The following DEGS2 variants were observed in gnomAD, a reference collection of about 807,000 sequenced individuals.
DEGS2 encodes delta 4-desaturase, sphingolipid 2, also known as sphingolipid delta(4)-desaturase/C4-monooxygenase DES2.
Under a neutral mutation model 23.8 loss-of-function variants are expected in DEGS2, and 19 were observed. The ratio of observed to expected loss-of-function variants is 0.80; its 90% CI spans 0.56 to 1.17. The LOEUF (loss-of-function observed/expected upper bound fraction) is 1.17. Among genes scored for constraint, DEGS2 ranks in the 50% most tolerant of loss-of-function variants. The pLI is 0.00. For synonymous variants in DEGS2, 218 were observed against 213.7 expected (o/e 1.02, Z -0.18); for missense variants, 390 against 459.5 (o/e 0.85, Z 1.38).
At chr14:100,148,526 G>C (rs1043121974) in intron 2 of DEGS2, among the ~76,000 whole-genome samples, 2 of 152,184 alleles carry the variant, frequency 1.3e-5, no homozygotes, top group African/African-American at 4.8e-5. Context: ...CTCCCCATCA[G>C]CTCTGCCCAA....
At chr14:100,162,012 A>T (rs1000701020), upstream of DEGS2, among the ~76,000 whole-genome samples, 1 of 150,778 alleles carries the variant, frequency 6.6e-6, no homozygotes, top group Non-Finnish European at 1.5e-5. Context: ...AGATTGCACC[A>T]TTGCACTCCA....
intron 2 of DEGS2, among the ~76,000 whole-genome samples, chr14:100,147,605 T>C (rs1889473032): frequency 6.7e-6 from 1 of 150,196 alleles, no homozygotes; most frequent in Non-Finnish European, 1.5e-5. Context: ...GCCGCCCCAC[T>C]GCTCAACGGC....
Position 100,146,787 on chromosome 14 carries a change from A to G in DEGS2, c.946T>C (p.Tyr316His). 1 of 1,613,692 alleles carries G rather than the reference A, an allele frequency of 6.2e-7. No individual in the cohort carries two copies. Among genetic ancestry groups the G allele is most frequent in the Non-Finnish European group, 8.5e-7 (1 of 1,179,860 alleles). ...CACAGACCATCTTTTGCCAGCCTGT[A>G]CACCCGCTTCACCCTGGCATAGGGC... ...LGPYARVKRV[Y>H]RLAKDGL is the part of the protein sequence containing the mutation. The change falls in exon 3 of 3, where the codon TAC becomes CAC. Residue 316 changes from tyrosine (Y) to histidine (H), a missense_variant. Physicochemically the swap from Tyr to His is moderately conservative, Grantham distance 83. Transcript: ENST00000305631.
rs1595272166 is a variant in DEGS2 at position 100,145,765 on chromosome 14, A to G, written c.*996T>C. On this transcript the variant is annotated 3_prime_UTR_variant, in exon 3 of 3. Transcript: ENST00000305631. ...CAGCCCTGCCCTCCAGGAGAAGACA[A>G]CCTCCTAGGTCGCAGCTGCACCCTC... 6.6e-6 allele frequency: 1 copy of G among 152,218 alleles called. No individual in the cohort carries two copies. The highest frequency in any genetic ancestry group is 2.1e-4 in the South Asian group (1 of 4,814). The allele number at this position is 152,218 out of a possible 1,614,324, so 9.4% of individuals were successfully genotyped here.
intron 1 of DEGS2, among the ~76,000 whole-genome samples, chr14:100,157,120 A>G (rs2140425370): frequency 6.6e-6 from 1 of 152,300 alleles, no homozygotes; most frequent in Admixed American, 6.5e-5. Flanking sequence ...CTGGAGGGCC[A>G]GGTACCACCT....
At position 100,159,611 on chromosome 14, in the gene DEGS2, G is replaced by A. The variant is rs774069779; in HGVS notation, c.-24C>T. The A allele has an allele frequency of 4.0e-5, 59 of 1,474,522 alleles. No homozygotes were observed. The highest frequency in any genetic ancestry group is 5.1e-5 in the Non-Finnish European group (57 of 1,113,146). The allele number at this position is 1,474,522 out of a possible 1,614,324, so 91.3% of individuals were successfully genotyped here. A position where few individuals can be genotyped will look rare whatever the true frequency, so the allele number is the denominator to read the frequency against. On this transcript the variant is annotated 5_prime_UTR_variant, in exon 1 of 3. Transcript: ENST00000305631. ...ATGGTGGGGCGGGAGGCGCCGTTCGGAGCGCGGCCGGCTCGGCTCTGCTGC... is the reference window on the plus strand; with the variant it reads ...ATGGTGGGGCGGGAGGCGCCGTTCGAAGCGCGGCCGGCTCGGCTCTGCTGC...
chr14:100,160,012 CACGCCCCT>C (rs1889726568), upstream of DEGS2: 1 of 153,932 alleles, frequency 6.5e-6, no homozygotes, highest in African/African-American at 2.4e-5. Flanking sequence ...CGCTCGCGGG[CACGCCCCT>C]GTGGCTCGCG....
At chr14:100,164,083 G>GA (rs1309109190), upstream of DEGS2, among the ~76,000 whole-genome samples, 5 of 152,030 alleles carry the variant, frequency 3.3e-5, no homozygotes, top group African/African-American at 1.2e-4. Flanking sequence ...AGGTGTGGTG[G>GA]CTCGCGCCTG....
intron 2 of DEGS2, among the ~76,000 whole-genome samples, chr14:100,147,123 A>G (rs1446868862): frequency 6.6e-6 from 1 of 152,174 alleles, no homozygotes; most frequent in Non-Finnish European, 1.5e-5. Flanking sequence ...GCCAAACACA[A>G]GGCCACCCCT....
At chr14:100,153,687 A>G (rs892136473) in intron 1 of DEGS2, among the ~76,000 whole-genome samples, 1 of 152,310 alleles carries the variant, frequency 6.6e-6, no homozygotes, top group Admixed American at 6.5e-5. Flanking sequence ...TAGCTGGGAG[A>G]CACATGTGCC....
chr14:100,166,238 G>GCGGGGGGAGCC, the DEGS2 span, among the ~76,000 whole-genome samples: 1 of 122,946 alleles, frequency 8.1e-6, no homozygotes, highest in Admixed American at 8.0e-5. Context: ...ATCCAGGAGA[G>GCGGGGGGAGCC]TGGGGGGAGC....
rs1239835703 is a variant in DEGS2, at chr14:100,149,705, A to G, written c.88T>C (p.Tyr30His). ...TQRRKEILAK[Y>H]PAIKALMRPD... The stretch of plus-strand genomic sequence containing the variant: ...CGCATCAGGGCCTTGATGGCCGGGT[A>G]CTTGGCTGCAAGGAAGACAGGGAGG... Residue 30 changes from tyrosine to histidine, a missense_variant, in exon 2 of 3, where the codon TAC becomes CAC. Physicochemically the swap from Tyr to His is moderately conservative, Grantham distance 83 (BLOSUM62 2). Transcript: ENST00000305631. The G allele has an allele frequency of 1.3e-6, 2 of 1,597,196 alleles. No homozygotes were observed. Among genetic ancestry groups the G allele is most frequent in the Non-Finnish European group, 1.7e-6 (2 of 1,171,132 alleles).
intron 2 of DEGS2, among the ~76,000 whole-genome samples, chr14:100,147,374 T>C (rs907146947): frequency 2.0e-5 from 3 of 152,314 alleles, no homozygotes; most frequent in African/African-American, 7.2e-5. Flanking sequence ...TGCGCAGTGC[T>C]GAGTGCCCGC....
At chr14:100,166,834 AGAAG>A in the DEGS2 span, among the ~76,000 whole-genome samples, 1 of 152,204 alleles carries the variant, frequency 6.6e-6, no homozygotes, top group African/African-American at 2.4e-5. Flanking sequence ...TGCTTAAAAA[AGAAG>A]GAAGTCCGGG....
chr14:100,154,078 A>G (rs1312589489), intron 1 of DEGS2, among the ~76,000 whole-genome samples: 1 of 152,182 alleles, frequency 6.6e-6, no homozygotes, highest in Non-Finnish European at 1.5e-5. Flanking sequence ...AAAATTCTGG[A>G]TCAGATCTGG....
At chr14:100,146,971 C>T (rs966673543) in intron 2 of DEGS2, 64 bp from the exon 3 acceptor site, 8 of 1,563,750 alleles carry the variant, frequency 5.1e-6, no homozygotes, top group East Asian at 2.2e-5. Context: ...CGAGCACACA[C>T]GCAGACACCT....
upstream of DEGS2, among the ~76,000 whole-genome samples, chr14:100,163,184 G>C (rs1041032578): frequency 2.6e-5 from 4 of 152,078 alleles, no homozygotes; most frequent in Non-Finnish European, 5.9e-5. Context: ...GCTCACGCCT[G>C]TAATCCCAGC....
intron 1 of DEGS2, among the ~76,000 whole-genome samples, chr14:100,154,369 A>G (rs1205152357): frequency 4.0e-4 from 61 of 151,762 alleles, no homozygotes; most frequent in African/African-American, 1.2e-3. Context: ...AAAAAAAAAA[A>G]AAAGAAAGAA....
In DEGS2 at chr14:100,159,424, C is replaced by T. The variant is rs1442241781; in HGVS notation, c.82+82G>A. 70 of 1,116,448 alleles carry T rather than the reference C, an allele frequency of 6.3e-5. No individual in the cohort carries two copies. In the South Asian group the frequency reaches 7.4e-4, roughly 12 times the overall value. 69.2% of individuals were successfully genotyped at this position (1,116,448 alleles called of 1,614,324 possible). A position where few individuals can be genotyped will look rare whatever the true frequency, so the allele number is the denominator to read the frequency against. ...AATTTGGGCCAGAGCTGGAGCGGCC[C>T]GTCTGGGCTCGACCCCACGACGCGA... On this transcript the variant is annotated intron_variant, in intron 1 of 2. Coordinates refer to ENST00000305631, the MANE Select transcript of DEGS2 (RefSeq NM_206918.3).
Sources: allele counts gnomAD v4.1 joint callset (sites outside exome capture counted in the v4.1 genomes callset), GRCh38; gene constraint gnomAD v4.1.1; transcripts MANE v1.5; gene names NCBI Gene and HGNC (gene_info 2026-07-23, HGNC 2026-07-21).